The following PIGK variants were observed in gnomAD, a reference collection of about 807,000 sequenced individuals.
The protein encoded by PIGK is GPI-anchor transamidase.
PIGK carries 42 observed loss-of-function variants against 50.6 expected under a neutral mutation model. That is an observed-to-expected ratio of 0.83 (90% CI 0.65 to 1.07). The LOEUF is 1.07. Ranked by LOEUF, PIGK falls within the 50% of genes least tolerant of loss-of-function variation. The pLI is 0.00. For synonymous variants in PIGK, 151 were observed against 156.0 expected (o/e 0.97, Z 0.24); for missense variants, 448 against 488.7 (o/e 0.92, Z 0.78).
chr1:77,112,270 A>G (rs1266709325), intron 10 of PIGK, among the ~76,000 whole-genome samples: 1 of 138,626 alleles, frequency 7.2e-6, no homozygotes, highest in Non-Finnish European at 1.5e-5. Context: ...AGGTGATTTC[A>G]GGTCAACTTA....
intron 10 of PIGK, among the ~76,000 whole-genome samples, chr1:77,117,576 T>C (rs1379433968): frequency 1.3e-5 from 2 of 152,202 alleles, no homozygotes; most frequent in East Asian, 3.9e-4. Flanking sequence ...ATCTCTGAGG[T>C]GCCTGGTACC....
At chr1:77,207,821 G>A (rs546102673) in intron 2 of PIGK, among the ~76,000 whole-genome samples, 2 of 152,024 alleles carry the variant, frequency 1.3e-5, no homozygotes, top group South Asian at 4.2e-4. Context: ...CAAACAGAAA[G>A]GAACTACATG....
chr1:77,100,555 G>C (rs1425948532), intron 10 of PIGK, among the ~76,000 whole-genome samples: 1 of 152,056 alleles, frequency 6.6e-6, no homozygotes, highest in Non-Finnish European at 1.5e-5. Flanking sequence ...CCTATGATTA[G>C]GCTGAATTAT....
intron 9 of PIGK, among the ~76,000 whole-genome samples, chr1:77,136,059 A>G (rs560102751): frequency 6.6e-6 from 1 of 152,296 alleles, no homozygotes; most frequent in Non-Finnish European, 1.5e-5. Flanking sequence ...CCCTTTAGGT[A>G]TTAAGGTATT....
At chr1:77,155,840 G>C (rs1570228673) in intron 8 of PIGK, among the ~76,000 whole-genome samples, 2 of 152,226 alleles carry the variant, frequency 1.3e-5, no homozygotes, top group Admixed American at 1.3e-4. Flanking sequence ...GGTGGAGAAG[G>C]GTAGAGCGGC....
chr1:77,154,535 T>C lies in PIGK; in HGVS notation c.900A>G (p.Ile300Met). The stretch of plus-strand genomic sequence containing the variant: ...TCCGTACACTTCCAAAGAAATCAGT[T>C]ATCAGTACATTTTTAGGATCCCTCT... ...LFQRDPKNVLITDFFGSVRKV... is the reference protein window; with the variant it reads ...LFQRDPKNVLMTDFFGSVRKV... The change falls in exon 9 of 11, where the codon ATA becomes ATG. Residue 300 changes from isoleucine to methionine, a missense_variant. Ile to Met is a conservative substitution (Grantham distance 10). Transcript: ENST00000370812. 1.9e-6 allele frequency: 3 copies of C among 1,611,380 alleles called. No homozygotes were observed. The highest frequency in any genetic ancestry group is 2.5e-6 in the Non-Finnish European group (3 of 1,177,668).
At chr1:77,096,013 T>C (rs1653397758) in intron 10 of PIGK, among the ~76,000 whole-genome samples, 1 of 152,010 alleles carries the variant, frequency 6.6e-6, no homozygotes, top group African/African-American at 2.4e-5. Flanking sequence ...GCAGAGAAGA[T>C]CTCCCTGAGA....
intron 9 of PIGK, among the ~76,000 whole-genome samples, chr1:77,135,533 T>C (rs1023266438): frequency 6.6e-6 from 1 of 152,080 alleles, no homozygotes; most frequent in Non-Finnish European, 1.5e-5. Flanking sequence ...TCTGTAGTTA[T>C]GCCTCTTTTT....
At chr1:77,176,825 A>G (rs927380088) in intron 3 of PIGK, among the ~76,000 whole-genome samples, 1 of 152,186 alleles carries the variant, frequency 6.6e-6, no homozygotes, top group Non-Finnish European at 1.5e-5. Flanking sequence ...CAGAACAGCC[A>G]CCTTGTCCTT....
chr1:77,187,867 T>C (rs984736720), intron 3 of PIGK, among the ~76,000 whole-genome samples: 17 of 152,230 alleles, frequency 1.1e-4, no homozygotes, highest in Non-Finnish European at 2.4e-4. Context: ...GGACATTTTA[T>C]TAGTTCCCCA....
intron 9 of PIGK, among the ~76,000 whole-genome samples, chr1:77,150,710 G>A (rs905273729): frequency 2.0e-5 from 3 of 151,892 alleles, no homozygotes; most frequent in African/African-American, 7.2e-5. Context: ...AGACAATATC[G>A]TGAACAAGTA....
chr1:77,097,427 A>G (rs1406287413), intron 10 of PIGK, among the ~76,000 whole-genome samples: 1 of 152,152 alleles, frequency 6.6e-6, no homozygotes, highest in Non-Finnish European at 1.5e-5. Context: ...AGGTAATCAC[A>G]TGTTGCGCCC....
chr1:77,166,970 T>C (rs1655249776), intron 4 of PIGK, 140 bp from the exon 5 acceptor site: 1 of 580,990 alleles, frequency 1.7e-6, no homozygotes. Flanking sequence ...ACCCAAAAAT[T>C]ATATAACTCA....
chr1:77,168,772 TA>T (rs1349267234), intron 4 of PIGK, among the ~76,000 whole-genome samples: 1 of 151,840 alleles, frequency 6.6e-6, no homozygotes. Flanking sequence ...CTTTTATATT[TA>T]AAATGAAGTT....
At chr1:77,157,772 T>C (rs2100553318) in intron 8 of PIGK, among the ~76,000 whole-genome samples, 1 of 152,284 alleles carries the variant, frequency 6.6e-6, no homozygotes, top group South Asian at 2.1e-4. Context: ...CCACATATTA[T>C]GGGACAGACT....
rs566404129 is a variant in PIGK, at chr1:77,168,163, A to C, written c.375+1097T>G. 5.5e-4 allele frequency among the ~76,000 whole-genome samples: 84 copies of C among 152,334 alleles called. No homozygotes were observed. In the South Asian group the frequency reaches 0.017, roughly 30 times the overall value. ...TTAAACGAGATTTTCCCAATCTAGA[A>C]TTTCTATCCCTCTGGGATTCTTTGA... On this transcript the variant is annotated intron_variant, in intron 4 of 10. Coordinates refer to ENST00000370812, the MANE Select transcript of PIGK (RefSeq NM_005482.3).
At chr1:77,105,352 C>A (rs1570182611) in intron 10 of PIGK, among the ~76,000 whole-genome samples, 1 of 151,982 alleles carries the variant, frequency 6.6e-6, no homozygotes, top group Non-Finnish European at 1.5e-5. Context: ...TCAGAAAGAA[C>A]CAATTGGGAG....
intron 1 of PIGK, among the ~76,000 whole-genome samples, chr1:77,211,423 C>A (rs538589864): frequency 1.3e-5 from 2 of 152,006 alleles, no homozygotes; most frequent in South Asian, 4.2e-4. Flanking sequence ...TCAAAATCTC[C>A]TTTTAGGTTG....
At chr1:77,129,476 A>G (rs1481454018) in intron 9 of PIGK, 1 of 1,478,642 alleles carries the variant, frequency 6.8e-7, no homozygotes, top group Non-Finnish European at 9.3e-7. Flanking sequence ...AAGTGAACAA[A>G]GCACCTAAGA....
Sources: gnomAD v4.1 joint callset for allele counts (sites outside exome capture counted in the v4.1 genomes callset) on GRCh38, gnomAD v4.1.1 for gene constraint, MANE v1.5 for transcripts, NCBI Gene and HGNC (gene_info 2026-07-23, HGNC 2026-07-21) for gene names.